The following RADIL variants were observed in gnomAD, a reference collection of about 807,000 sequenced individuals.
RADIL encodes Rap associating with DIL domain, also known as ras-associating and dilute domain-containing protein.
A neutral mutation model predicts 97.6 loss-of-function variants in RADIL; 99 were observed. The ratio of observed to expected loss-of-function variants is 1.01; its 90% CI spans 0.86 to 1.20. The LOEUF (loss-of-function observed/expected upper bound fraction) is 1.20. Among genes scored for constraint, RADIL ranks in the 50% most tolerant of loss-of-function variants. The pLI, the probability that RADIL is intolerant of heterozygous loss-of-function variation, is 0.00. For synonymous variants in RADIL, 803 were observed against 691.8 expected, an observed-to-expected ratio of 1.16 and a Z score of -2.52; for missense variants, 1,765 against 1,498.9, an observed-to-expected ratio of 1.18 and a Z score of -2.93.
chr7:4,850,228 A>C (rs1011834202), intron 2 of RADIL, among the ~76,000 whole-genome samples: 5 of 142,136 alleles, frequency 3.5e-5, no homozygotes, highest in African/African-American at 1.5e-4. Context: ...AAAAAAAAAA[A>C]AAAAAAAAAA....
chr7:4,823,669 C>T (rs1782896673), intron 5 of RADIL, among the ~76,000 whole-genome samples: 1 of 152,176 alleles, frequency 6.6e-6, no homozygotes, highest in Non-Finnish European at 1.5e-5. Context: ...GCGGCAGCCT[C>T]CACCGTCAGG....
Position 4,832,188 on chromosome 7 carries a change from C to G in RADIL, c.1417-10G>C. 6.2e-7 allele frequency: 1 copy of G among 1,610,546 alleles called. No individual in the cohort carries two copies. The highest frequency in any genetic ancestry group is 1.7e-4 in the Middle Eastern group (1 of 6,056). ...GTTCTTTGGTTTTCTCCTACAATTA[C>G]AAAGCGGGAGAAAAAGCAAGTGAGC... On this transcript the variant is annotated splice_polypyrimidine_tract_variant and intron_variant, in intron 4 of 14. Coordinates refer to ENST00000399583, the MANE Select transcript of RADIL (RefSeq NM_018059.5).
In RADIL at chr7:4,836,531, G is replaced by C. The variant is rs370518016; in HGVS notation, c.610C>G (p.Arg204Gly). 1.2e-6 allele frequency: 2 copies of C among 1,607,624 alleles called. No homozygotes were observed. The highest frequency in any genetic ancestry group is 1.7e-6 in the Non-Finnish European group (2 of 1,179,272). Residue 204 changes from arginine (R) to glycine (G), a missense_variant, in exon 3 of 15, where the codon CGG becomes GGG. Coordinates refer to ENST00000399583, the MANE Select transcript of RADIL (RefSeq NM_018059.5). The stretch of plus-strand genomic sequence containing the variant: ...CGCAACCGGGGTGGAGGAGAGCTCC[G>C]GGCATCCCCCAGGGCCGGGGTCGGG... Reference protein sequence around the residue: ...GTPTPALGDARSSPPPRLRRT... With the variant: ...GTPTPALGDAGSSPPPRLRRT...
chr7:4,822,147 G>C lies in RADIL; in HGVS notation c.1615+247C>G, dbSNP rs910804571. ...GGACGCCACCGCACGGAGCACACGG[G>C]ATGATGGGGACAGACTGAGTGCCAA... On this transcript the variant is annotated intron_variant, in intron 6 of 14. Coordinates refer to ENST00000399583, the MANE Select transcript of RADIL (RefSeq NM_018059.5). This position sits in a 1 kb window ranked among gnomAD's most constrained non-coding sequence, Gnocchi z 5.3. Among the ~76,000 whole-genome samples, 1 of 152,102 alleles carries C rather than the reference G, an allele frequency of 6.6e-6. No individual in the cohort carries two copies. The highest frequency in any genetic ancestry group is 1.5e-5 in the Non-Finnish European group (1 of 68,014).
At position 4,822,318 on chromosome 7, in the gene RADIL, C is replaced by T. The variant is rs539817811; in HGVS notation, c.1615+76G>A. On this transcript the variant is annotated intron_variant, in intron 6 of 14. Transcript: ENST00000399583. The surrounding 1 kb of genome is among the most constrained non-coding windows in gnomAD (Gnocchi z 5.3). ...CCTGCTATCATGGCCAACTAGGTTC[C>T]GAGGACGGCGAGGAGATGCCACACT... 282 of 1,468,796 alleles carry T rather than the reference C, an allele frequency of 1.9e-4. 7 individuals are homozygous for T. The highest frequency in any genetic ancestry group is 1.3e-3 in the South Asian group (98 of 74,238). 91.0% of individuals were successfully genotyped at this position (1,468,796 alleles called of 1,614,324 possible).
intron 2 of RADIL, among the ~76,000 whole-genome samples, chr7:4,864,873 C>T (rs955556143): frequency 2.0e-5 from 3 of 152,202 alleles, no homozygotes; most frequent in African/African-American, 4.8e-5. Flanking sequence ...TACCTAGGAG[C>T]CAGAGTCATC....
At position 4,798,001 on chromosome 7, in the gene RADIL, T is replaced by C. The variant is rs867866066; in HGVS notation, c.*1377A>G. 6 of 146,958 alleles carry C rather than the reference T, an allele frequency of 4.1e-5. No homozygotes were observed. The South Asian group carries it at 1.3e-3, about 31-fold the overall frequency. 9.1% of individuals were successfully genotyped at this position (146,958 alleles called of 1,614,324 possible). On this transcript the variant is annotated 3_prime_UTR_variant, in exon 15 of 15. Transcript: ENST00000399583. ...AAAAAAAAATTAAATATTTATATTTTATATAATAAAATATAAAAAATGTTT... is the reference window on the plus strand; with the variant it reads ...AAAAAAAAATTAAATATTTATATTTCATATAATAAAATATAAAAAATGTTT...
Position 4,834,764 on chromosome 7 carries a change from C to T in RADIL, c.1259G>A (p.Arg420Lys), listed in dbSNP as rs1783246901. The change falls in exon 4 of 15, where the codon AGG becomes AAG. Residue 420 changes from arginine (R) to lysine (K), a missense_variant. Arg to Lys is a conservative substitution (Grantham distance 26). Transcript: ENST00000399583. The surrounding 1 kb of genome is among the most constrained non-coding windows in gnomAD (Gnocchi z 6.0). ...CCCCGGCTCGATCAACGTCATGATC[C>T]TCTGCAGCAGCGTGTCCTCCAGGTG... The part of the protein sequence containing the change: ...EPHLEDTLLQ[R>K]IMTLIEPGGD... The T allele has an allele frequency of 7.1e-7, 1 of 1,399,806 alleles. No homozygotes were observed. Among genetic ancestry groups the T allele is most frequent in the Admixed American group, 2.8e-5 (1 of 35,812 alleles). The allele number at this position is 1,399,806 out of a possible 1,614,324, so 86.7% of individuals were successfully genotyped here.
At position 4,800,121 on chromosome 7, in the gene RADIL, G is replaced by C. The variant is rs371413261; in HGVS notation, c.2982+50C>G. 5.1e-6 allele frequency: 8 copies of C among 1,570,486 alleles called. No homozygotes were observed. The East Asian group carries it at 1.8e-4, about 36-fold the overall frequency. ...TGCGGCCAGGCTTGCATGAACAGGC[G>C]GGGCCAGGCAGCCAGTATGGGGGTG... is the stretch of plus-strand genomic sequence containing the variant. On this transcript the variant is annotated intron_variant, in intron 13 of 14. Coordinates refer to ENST00000399583, the MANE Select transcript of RADIL (RefSeq NM_018059.5).
In RADIL at chr7:4,846,133, T is replaced by C. The variant is rs1263986792; in HGVS notation, c.536-9528A>G. 3.3e-5 allele frequency among the ~76,000 whole-genome samples: 5 copies of C among 151,418 alleles called. No individual in the cohort carries two copies. The South Asian group carries it at 8.3e-4, about 25-fold the overall frequency. ...CAGAGCTACAATCTTCTTTTTTTTT[T>C]TTTTTTTTTTTTAAAGAGACGGAGT... On this transcript the variant is annotated intron_variant, in intron 2 of 14. Transcript: ENST00000399583.
At chr7:4,853,671 G>C (rs1783760501) in intron 2 of RADIL, among the ~76,000 whole-genome samples, 1 of 150,652 alleles carries the variant, frequency 6.6e-6, no homozygotes. Flanking sequence ...GAACCTGGGA[G>C]GCAGAGGTTG....
At chr7:4,809,523 G>GGC in intron 9 of RADIL, 2 of 985,428 alleles carry the variant, frequency 2.0e-6, no homozygotes, top group Non-Finnish European at 2.4e-6. Context: ...GAACGTGGGC[G>GGC]GCGGCTGCTC....
In RADIL at chr7:4,805,546, T is replaced by C; in HGVS notation, c.2290+20A>G. On this transcript the variant is annotated intron_variant, in intron 10 of 14. Coordinates refer to ENST00000399583, the MANE Select transcript of RADIL (RefSeq NM_018059.5). ...TCCCACTGAGTCCCCAGCCCTCTCC[T>C]GCCCTGGGGCAGGGCTTACCTGACC... 1.3e-6 allele frequency: 2 copies of C among 1,565,360 alleles called. No homozygotes were observed. The highest frequency in any genetic ancestry group is 1.1e-5 in the South Asian group (1 of 87,604).
chr7:4,809,262 G>A (rs1220867249), intron 9 of RADIL: 7 of 985,360 alleles, frequency 7.1e-6, no homozygotes, highest in Non-Finnish European at 8.4e-6. Context: ...CAAGCTGGGC[G>A]AGAGGCCGGG....
Position 4,837,382 on chromosome 7 carries a change from G to A in RADIL, c.536-777C>T, listed in dbSNP as rs563864966. On this transcript the variant is annotated intron_variant, in intron 2 of 14. Coordinates refer to ENST00000399583, the MANE Select transcript of RADIL (RefSeq NM_018059.5). The surrounding 1 kb of genome is among the most constrained non-coding windows in gnomAD (Gnocchi z 5.6). ...CCTGGGGGTGGTGCTCTGACGAGAC[G>A]AGACGGACTGGTCAGCATCCTGCCC... Among the ~76,000 whole-genome samples, 1 of 152,308 alleles carries A rather than the reference G, an allele frequency of 6.6e-6. No individual in the cohort carries two copies. Among genetic ancestry groups the A allele is most frequent in the Admixed American group, 6.5e-5 (1 of 15,300 alleles).
In RADIL at chr7:4,861,758, G is replaced by A. The variant is rs762555893; in HGVS notation, c.535+15847C>T. On this transcript the variant is annotated intron_variant, in intron 2 of 14. Coordinates refer to ENST00000399583, the MANE Select transcript of RADIL (RefSeq NM_018059.5). ...AGGCGAGGAGACGCCGTAGCGATTC[G>A]GCGGCGGCGCCGGCTGCGGTGGTCC... 2.7e-5 allele frequency: 40 copies of A among 1,488,150 alleles called. No individual in the cohort carries two copies. In the South Asian group the frequency reaches 4.5e-4, roughly 17 times the overall value. The allele number at this position is 1,488,150 out of a possible 1,614,324, so 92.2% of individuals were successfully genotyped here.
chr7:4,805,496 G>GCTGC, intron 10 of RADIL, 70 bp downstream of exon 10: 5 of 1,477,884 alleles, frequency 3.4e-6, no homozygotes, highest in Non-Finnish European at 4.5e-6. Flanking sequence ...ATGAGAGCAT[G>GCTGC]CTGCCTCCAG....
intron 2 of RADIL, among the ~76,000 whole-genome samples, chr7:4,853,058 T>C (rs1444510771): frequency 6.6e-6 from 1 of 152,102 alleles, no homozygotes; most frequent in Non-Finnish European, 1.5e-5. Flanking sequence ...CTTGAAGTGA[T>C]ACTATAAGAG....
At chr7:4,865,817 C>G in intron 2 of RADIL, 1 of 765,840 alleles carries the variant, frequency 1.3e-6, no homozygotes, top group Non-Finnish European at 2.3e-6. Flanking sequence ...GCAGCGGAGG[C>G]AGAAAGGGAG....
Sources: allele counts gnomAD v4.1 joint callset (sites outside exome capture counted in the v4.1 genomes callset), GRCh38; gene constraint gnomAD v4.1.1; non-coding constraint Gnocchi (gnomAD v3.1); transcripts MANE v1.5; gene names NCBI Gene and HGNC (gene_info 2026-07-23, HGNC 2026-07-21).